MTTP: variants seen among roughly 807,000 people sequenced by gnomAD.
MTTP encodes microsomal triglyceride transfer protein large subunit.
In MTTP, 49 loss-of-function variants were observed where a neutral mutation model predicts 90.6. The observed-to-expected ratio is 0.54, with a 90% confidence interval of 0.43 to 0.69. MTTP has a LOEUF of 0.69. Among genes scored for constraint, MTTP ranks in the 30% least tolerant of loss-of-function variants. The pLI is 0.00. For synonymous variants in MTTP, 347 were observed against 384.2 expected, an observed-to-expected ratio of 0.90 and a Z score of 1.13; for missense variants, 945 against 1,067.5, an observed-to-expected ratio of 0.89 and a Z score of 1.60.
At chr4:99,601,107 G>A (rs1725685273) in intron 9 of MTTP, among the ~76,000 whole-genome samples, 1 of 152,068 alleles carries the variant, frequency 6.6e-6, no homozygotes, top group Non-Finnish European at 1.5e-5. Flanking sequence ...CTACATTGAA[G>A]AGATACAATT....
intron 4 of MTTP, 75 bp from the exon 5 acceptor site, chr4:99,591,160 T>G (rs1395808259): frequency 1.8e-6 from 2 of 1,110,328 alleles, no homozygotes; most frequent in Non-Finnish European, 2.8e-6. Context: ...GACCTCAATT[T>G]TCAAGCCACT....
chr4:99,585,987 G>A (rs547977332), intron 3 of MTTP, among the ~76,000 whole-genome samples: 7 of 152,180 alleles, frequency 4.6e-5, no homozygotes, highest in Non-Finnish European at 7.4e-5. Flanking sequence ...GCAGAGTAAG[G>A]CTATGGACAG....
Position 99,589,434 on chromosome 4 carries a change from A to G in MTTP, c.394-209A>G, listed in dbSNP as rs546229916. 1.5e-4 allele frequency among the ~76,000 whole-genome samples: 23 copies of G among 152,152 alleles called. No homozygotes were observed. The East Asian group carries it at 4.1e-3, about 27-fold the overall frequency. ...CTGTGCCCATCATGCAAGAGCCTTC[A>G]TTATCGGTCTCCCTAAACTTCATAT... On this transcript the variant is annotated intron_variant, in intron 3 of 17. Transcript: ENST00000265517.
At chr4:99,594,994 C>A in intron 7 of MTTP, 111 bp downstream of exon 7, 1 of 1,304,660 alleles carries the variant, frequency 7.7e-7, no homozygotes, top group African/African-American at 1.5e-5. Flanking sequence ...GAACTACCAG[C>A]TACCACAGAG....
At chr4:99,621,352 A>T in intron 17 of MTTP, 121 bp downstream of exon 17, 1 of 1,292,366 alleles carries the variant, frequency 7.7e-7, no homozygotes, top group Non-Finnish European at 1.1e-6. Flanking sequence ...GGGAAAGATG[A>T]ATTTTCTTTA....
intron 1 of MTTP, among the ~76,000 whole-genome samples, chr4:99,565,685 G>A (rs1275385320): frequency 6.6e-6 from 1 of 152,196 alleles, no homozygotes; most frequent in Non-Finnish European, 1.5e-5. Flanking sequence ...ATGTACTTGA[G>A]ATGCTTGTAC....
At chr4:99,564,326 TGA>T in intron 1 of MTTP, 1 of 1,301,680 alleles carries the variant, frequency 7.7e-7, no homozygotes, top group Non-Finnish European at 1.0e-6. Flanking sequence ...GTGTTGAAAA[TGA>T]GAGAAAAACA....
intron 10 of MTTP, among the ~76,000 whole-genome samples, chr4:99,604,120 T>C (rs565580283): frequency 2.5e-4 from 38 of 152,334 alleles, no homozygotes; most frequent in Middle Eastern, 3.4e-3. Flanking sequence ...AACACTCATC[T>C]ACGTTTTGTC....
intron 15 of MTTP, among the ~76,000 whole-genome samples, chr4:99,617,604 G>A (rs536010786): frequency 6.6e-6 from 1 of 152,206 alleles, no homozygotes; most frequent in Admixed American, 6.5e-5. Context: ...CAAAATTAAG[G>A]ATACTGAGTC....
intron 1 of MTTP, among the ~76,000 whole-genome samples, chr4:99,577,778 A>G (rs1206485830): frequency 6.6e-6 from 1 of 152,042 alleles, no homozygotes; most frequent in Non-Finnish European, 1.5e-5. Context: ...CTTTTTCTTA[A>G]TTATACTTTG....
rs748048275 is a variant in MTTP at position 99,591,818 on chromosome 4, C to A, written c.758+28C>A. On this transcript the variant is annotated intron_variant, in intron 6 of 17. Coordinates refer to ENST00000265517, the MANE Select transcript of MTTP (RefSeq NM_001386140.1). Reference sequence around the variant, plus strand: ...AAGATAATGCTAAAATTTTTATTTTCTTTGCTATTCTTTGTTATATTATTA... The same window carrying A: ...AAGATAATGCTAAAATTTTTATTTTATTTGCTATTCTTTGTTATATTATTA... 9.7e-6 allele frequency: 15 copies of A among 1,538,838 alleles called. No homozygotes were observed. In the South Asian group the frequency reaches 1.6e-4, roughly 16 times the overall value.
intron 3 of MTTP, among the ~76,000 whole-genome samples, chr4:99,588,715 G>A (rs1369711602): frequency 9.0e-5 from 9 of 99,918 alleles, no homozygotes; most frequent in Middle Eastern, 5.8e-3. Flanking sequence ...ATATATATAT[G>A]TTCATATATA....
At chr4:99,602,034 C>T (rs1044038234) in intron 10 of MTTP, among the ~76,000 whole-genome samples, 1 of 151,998 alleles carries the variant, frequency 6.6e-6, no homozygotes, top group Admixed American at 6.6e-5. Flanking sequence ...AATAACCTCC[C>T]TACCCATATA....
At chr4:99,589,205 G>C (rs926293189) in intron 3 of MTTP, among the ~76,000 whole-genome samples, 14 of 149,610 alleles carry the variant, frequency 9.4e-5, no homozygotes, top group African/African-American at 3.4e-4. Context: ...GCCATCTCAG[G>C]AATCTCAAAG....
rs371016544 is a variant in MTTP at position 99,611,275 on chromosome 4, C to T, written c.1867+35C>T. ...CCAAAAAGAGGTTCTCCTTCCATAC[C>T]CCACAACTTAGCATTGCTGGAACTG... On this transcript the variant is annotated intron_variant, in intron 13 of 17. Coordinates refer to ENST00000265517, the MANE Select transcript of MTTP (RefSeq NM_001386140.1). 1.5e-5 allele frequency: 25 copies of T among 1,613,866 alleles called. No individual in the cohort carries two copies. In the African/African-American group the frequency reaches 3.2e-4, roughly 21 times the overall value.
intron 9 of MTTP, 34 bp downstream of exon 9, chr4:99,600,767 C>T (rs779362117): frequency 3.1e-5 from 49 of 1,597,290 alleles, no homozygotes; most frequent in Non-Finnish European, 4.1e-5. Flanking sequence ...CCCTCAACTC[C>T]TATAAAACTT....
Position 99,622,801 on chromosome 4 carries a change from G to A in MTTP, c.2638G>A (p.Val880Met). ...LHQENSEMCK[V>M]VFAPQPDSTS... ...TCAAGAGAACTCAGAGATGTGCAAA[G>A]TGGTGTTTGCCCCTCAGCCGGATAG... Residue 880 changes from valine (V) to methionine (M), a missense_variant, in exon 18 of 18, where the codon GTG (valine) becomes ATG (methionine). Coordinates refer to ENST00000265517, the MANE Select transcript of MTTP (RefSeq NM_001386140.1). 6.2e-7 allele frequency: 1 copy of A among 1,614,150 alleles called. No homozygotes were observed. Among genetic ancestry groups the A allele is most frequent in the Non-Finnish European group, 8.5e-7 (1 of 1,179,996 alleles).
rs528131343 is a variant in MTTP, at chr4:99,589,877, C to T, written c.501+127C>T. 3.8e-4 allele frequency: 263 copies of T among 695,478 alleles called. 1 individual carries two copies. Among genetic ancestry groups the T allele is most frequent in the South Asian group, 2.6e-3 (159 of 62,254 alleles). 43.1% of individuals were successfully genotyped at this position (695,478 alleles called of 1,614,324 possible). A position where few individuals can be genotyped will look rare whatever the true frequency, so the allele number is the denominator to read the frequency against. On this transcript the variant is annotated intron_variant, in intron 4 of 17. Coordinates refer to ENST00000265517, the MANE Select transcript of MTTP (RefSeq NM_001386140.1). ...GAAAAGGTGACTTGTGTAGTGAAGT[C>T]GCATTTGCCTATGAAACAATTGCCA...
At chr4:99,570,139 G>A (rs1251265603), upstream of MTTP, among the ~76,000 whole-genome samples, 1 of 151,524 alleles carries the variant, frequency 6.6e-6, no homozygotes, top group African/African-American at 2.4e-5. Flanking sequence ...GATTTTATCT[G>A]GGGTCAATTT....
Sources: gnomAD v4.1 joint callset for allele counts (sites outside exome capture counted in the v4.1 genomes callset) on GRCh38, gnomAD v4.1.1 for gene constraint, MANE v1.5 for transcripts, NCBI Gene and HGNC (gene_info 2026-07-23, HGNC 2026-07-21) for gene names.